The following NXF3 variants were observed in gnomAD, a reference collection of about 807,000 sequenced individuals.
The protein encoded by NXF3 is nuclear RNA export factor 3.
Under a neutral mutation model 48.4 loss-of-function variants are expected in NXF3, and 34 were observed. That is an observed-to-expected ratio of 0.70 (90% confidence interval 0.53 to 0.93). The LOEUF is 0.93. Among genes scored for constraint, NXF3 ranks in the 40% least tolerant of loss-of-function variants. The probability of loss-of-function intolerance (pLI) is 0.00; values close to 1 mark genes in which losing one functional copy is unlikely to be tolerated. For missense variants in NXF3, 359 were observed against 406.1 expected (o/e 0.88, Z 1.00); for synonymous variants, 132 against 145.7 (o/e 0.91, Z 0.68).
chrX:103,079,320 G>T (rs1302817236), intron 15 of NXF3, 39 bp downstream of exon 15: 1 of 1,208,294 alleles, frequency 8.3e-7, no homozygotes, highest in Non-Finnish European at 1.1e-6. Context: ...CCCACCTCTG[G>T]CTTTCTGGGC....
intron 17 of NXF3, among the ~76,000 whole-genome samples, chrX:103,078,070 C>T (rs1483023882): frequency 1.8e-5 from 2 of 112,060 alleles, no homozygotes; most frequent in Admixed American, 9.4e-5. Flanking sequence ...AGGTCACATG[C>T]CTTGACCAAA....
chrX:103,085,900 CAAAAAAAAAAAAA>C (rs56135590), intron 1 of NXF3, among the ~76,000 whole-genome samples: 2 of 43,537 alleles, frequency 4.6e-5, no homozygotes, highest in East Asian at 1.3e-3. Flanking sequence ...GAGACTCTGT[CAAAAAAAAAAAAA>C]AAAAAAAAAA....
In NXF3 at chrX:103,079,633, G is replaced by A. The variant is rs1921959310; in HGVS notation, c.1170C>T (p.Phe390=). The change falls in exon 14 of 20, where the codon TTC becomes TTT. Residue 390 remains phenylalanine, a synonymous_variant. Transcript: ENST00000395065. ...FNPEDSAPSS[F]CKFFKDSRNI... ...TCCTGCTATCCTTGAAGAACTTGCA[G>A]AAGCTGCTCCTAGAAGAAAAAGAGG... The A allele has an allele frequency of 1.7e-6, 2 of 1,210,994 alleles. No homozygotes were observed. Among genetic ancestry groups the A allele is most frequent in the African/African-American group, 3.5e-5 (2 of 57,759 alleles).
At chrX:103,089,147 A>G in intron 1 of NXF3, 1 of 789,106 alleles carries the variant, frequency 1.3e-6, no homozygotes. Context: ...TAATTCATGC[A>G]GGGCAGAAAC....
At chrX:103,084,195 A>C in intron 3 of NXF3, 147 bp downstream of exon 3, 1 of 656,465 alleles carries the variant, frequency 1.5e-6, no homozygotes. Flanking sequence ...TTTACTCTTA[A>C]GATGATCTAG....
chrX:103,082,832 A>G lies in NXF3; in HGVS notation c.708T>C (p.Asp236=), dbSNP rs915989037. Residue 236 remains aspartate (D), a synonymous_variant, in exon 8 of 20, where the codon GAT becomes GAC. Transcript: ENST00000395065. ...LPFYPDMVNR[D]TKMASNPRKC... Reference sequence around the variant, plus strand: ...TTCTAGGATTCGATGCCATCTTAGTATCACGGTTCACCATGTCTCCAGAAA... The same window carrying G: ...TTCTAGGATTCGATGCCATCTTAGTGTCACGGTTCACCATGTCTCCAGAAA... 5.8e-6 allele frequency: 7 copies of G among 1,209,622 alleles called. No homozygotes were observed. The highest frequency in any genetic ancestry group is 7.8e-6 in the Non-Finnish European group (7 of 893,643).
At position 103,081,851 on chromosome X, in the gene NXF3, G is replaced by A. The variant is rs771930598; in HGVS notation, c.890+404C>T. The A allele has an allele frequency of 2.2e-5, 3 of 136,487 alleles. No individual in the cohort carries two copies. The South Asian group carries it at 8.0e-4, about 37-fold the overall frequency. The allele number at this position is 136,487 out of a possible 1,213,427, so 11.2% of individuals were successfully genotyped here. ...AAGGAGAACCCCTCTCGGGACGGAG[G>A]AGGGAAGCCCCATATCAGCATGGAG... On this transcript the variant is annotated intron_variant, in intron 9 of 19. Transcript: ENST00000395065.
At chrX:103,081,951 C>A in intron 9 of NXF3, 1 of 300,784 alleles carries the variant, frequency 3.3e-6, no homozygotes, top group Non-Finnish European at 6.0e-6. Flanking sequence ...CACCTGAATA[C>A]TGCTGGTCCT....
intron 5 of NXF3, 21 bp downstream of exon 5, chrX:103,083,377 G>A: frequency 8.4e-7 from 1 of 1,184,002 alleles, no homozygotes. Context: ...TGCTAGCCCT[G>A]GTCATTCATT....
intron 1 of NXF3, among the ~76,000 whole-genome samples, chrX:103,091,917 A>G (rs1922286054): frequency 9.7e-6 from 1 of 103,328 alleles, no homozygotes; most frequent in Non-Finnish European, 2.0e-5. Context: ...CCCGGGAGGC[A>G]GAGCTCGCAG....
intron 18 of NXF3, among the ~76,000 whole-genome samples, chrX:103,076,730 C>T (rs1204095103): frequency 2.7e-5 from 3 of 109,729 alleles, no homozygotes; most frequent in Non-Finnish European, 5.7e-5. Flanking sequence ...CTTATCTTTA[C>T]AGGTACAGTC....
chrX:103,078,680 G>A (rs1921931555), intron 16 of NXF3, 48 bp from the exon 17 acceptor site: 2 of 1,207,193 alleles, frequency 1.7e-6, no homozygotes, highest in South Asian at 1.8e-5. Context: ...CAGGCTTTAC[G>A]TGCTCACATG....
intron 1 of NXF3, among the ~76,000 whole-genome samples, chrX:103,089,544 G>A (rs1314246647): frequency 8.9e-6 from 1 of 112,019 alleles, no homozygotes; most frequent in Admixed American, 9.5e-5. Context: ...TGTCTGTATT[G>A]AAAAATATAA....
In NXF3 at chrX:103,088,418, T is replaced by G. The variant is rs758412882; in HGVS notation, c.29-3535A>C. 1.1e-3 allele frequency: 704 copies of G among 649,948 alleles called. 6 individuals carry two copies. The African/African-American group carries it at 0.013, about 12-fold the overall frequency. 53.6% of individuals were successfully genotyped at this position (649,948 alleles called of 1,213,427 possible). A position where few individuals can be genotyped will look rare whatever the true frequency, so the allele number is the denominator to read the frequency against. ...AAAAAACATTGACTTTGCGATTTTCTTGGCAAAAGCAGTTCCAGAACCAAA... is the reference window on the plus strand; with the variant it reads ...AAAAAACATTGACTTTGCGATTTTCGTGGCAAAAGCAGTTCCAGAACCAAA... On this transcript the variant is annotated intron_variant, in intron 1 of 19. Coordinates refer to ENST00000395065, the MANE Select transcript of NXF3 (RefSeq NM_022052.2).
chrX:103,083,228 T>G lies in NXF3; in HGVS notation c.586A>C (p.Arg196=). 2 of 1,211,545 alleles carry G rather than the reference T, an allele frequency of 1.7e-6. No homozygotes were observed. The highest frequency in any genetic ancestry group is 2.2e-6 in the Non-Finnish European group (2 of 895,435). The stretch of plus-strand genomic sequence containing the variant: ...TCCACCTTTTCTGACTTCAGCTCCC[T>G]GTGCACAAAGTGGGGTATGCCAGCA... ...NPAGIPHFVH[R]ELKSEKVEQI... is the part of the protein sequence containing the mutation. Residue 196 remains arginine (R), a synonymous_variant, in exon 6 of 20, where the codon AGG becomes CGG. Transcript: ENST00000395065.
chrX:103,082,784 G>C lies in NXF3; in HGVS notation c.756C>G (p.Asp252Glu), dbSNP rs146732324. ...NPRKCMAASL[D>E]VHEENIPTVM... is the part of the protein sequence containing the mutation. The stretch of plus-strand genomic sequence containing the variant: ...CTGTAGGTATGTTCTCTTCATGGAC[G>C]TCCAGGGAGGCAGCCATGCACTTTC... Residue 252 changes from aspartate to glutamate, a missense_variant, in exon 8 of 20, where the codon GAC (aspartate) becomes GAG (glutamate). Coordinates refer to ENST00000395065, the MANE Select transcript of NXF3 (RefSeq NM_022052.2). 1 of 1,206,414 alleles carries C rather than the reference G, an allele frequency of 8.3e-7. No individual in the cohort carries two copies. The highest frequency in any genetic ancestry group is 1.1e-6 in the Non-Finnish European group (1 of 892,010).
chrX:103,086,335 C>T (rs1010974476), intron 1 of NXF3, among the ~76,000 whole-genome samples: 1 of 110,518 alleles, frequency 9.0e-6, no homozygotes, highest in East Asian at 2.9e-4. Flanking sequence ...GGCGTGGACC[C>T]GGGAAGCAGA....
chrX:103,089,367 G>T, intron 1 of NXF3: 1 of 317,468 alleles, frequency 3.1e-6, no homozygotes, highest in Non-Finnish European at 5.5e-6. Context: ...CAAGAGGCCT[G>T]CATTAAATTG....
chrX:103,079,050 G>A (rs1921941426), intron 16 of NXF3, among the ~76,000 whole-genome samples, 171 bp downstream of exon 16: 1 of 111,960 alleles, frequency 8.9e-6, no homozygotes. Context: ...ACAGGCATGG[G>A]CCTAGGTCAG....
Sources: allele counts gnomAD v4.1 joint callset (sites outside exome capture counted in the v4.1 genomes callset), GRCh38; gene constraint gnomAD v4.1.1; transcripts MANE v1.5; gene names NCBI Gene and HGNC (gene_info 2026-07-23, HGNC 2026-07-21).